The following ENOX1 variants were observed in gnomAD, a reference collection of about 807,000 sequenced individuals.
ENOX1 encodes the protein ecto-NOX disulfide-thiol exchanger 1, also known as candidate growth-related and time keeping constitutive hydroquinone (NADH) oxidase.
In ENOX1, 42 loss-of-function variants were observed where a neutral mutation model predicts 82.5. That is an observed-to-expected ratio of 0.51 (90% CI 0.40 to 0.66). ENOX1 has a LOEUF of 0.66. Among genes scored for constraint, ENOX1 ranks in the 30% least tolerant of loss-of-function variants. The pLI is 0.00. For missense variants in ENOX1, 608 were observed against 811.6 expected (o/e 0.75, Z 3.05); for synonymous variants, 271 against 282.2 (o/e 0.96, Z 0.40).
chr13:43,607,804 T>G (rs1055194877), intron 2 of ENOX1, among the ~76,000 whole-genome samples: 2 of 152,168 alleles, frequency 1.3e-5, no homozygotes, highest in African/African-American at 4.8e-5. Context: ...GAAGGTAAGT[T>G]TGGAATCTTC....
At chr13:43,352,658 A>G (rs1279198866) in intron 8 of ENOX1, among the ~76,000 whole-genome samples, 1 of 152,202 alleles carries the variant, frequency 6.6e-6, no homozygotes, top group Non-Finnish European at 1.5e-5. Context: ...TGTCTGTTTA[A>G]CCAGCAGGAT....
At chr13:43,742,594 A>C (rs1949801968) in intron 1 of ENOX1, among the ~76,000 whole-genome samples, 1 of 152,106 alleles carries the variant, frequency 6.6e-6, no homozygotes. Flanking sequence ...TTTCAGAAAC[A>C]CTCTCACAAA....
At chr13:43,500,525 G>C (rs2076943674) in intron 2 of ENOX1, among the ~76,000 whole-genome samples, 2 of 151,960 alleles carry the variant, frequency 1.3e-5, no homozygotes, top group Admixed American at 1.3e-4. Flanking sequence ...GATGTTCCAA[G>C]ACAAATGAAA....
At chr13:43,486,023 A>G (rs1300230804) in intron 2 of ENOX1, among the ~76,000 whole-genome samples, 1 of 152,182 alleles carries the variant, frequency 6.6e-6, no homozygotes, top group Non-Finnish European at 1.5e-5. Context: ...ATCCTGGCTA[A>G]CACTGTGAAA....
chr13:43,459,373 GT>G (rs1467638843), intron 3 of ENOX1: 2 of 152,180 alleles, frequency 1.3e-5, no homozygotes, highest in Non-Finnish European at 2.9e-5. Context: ...ACAGAGATAA[GT>G]TAATCCTTAG....
At chr13:43,310,917 C>T (rs1353897219) in intron 11 of ENOX1, among the ~76,000 whole-genome samples, 1 of 151,790 alleles carries the variant, frequency 6.6e-6, no homozygotes, top group African/African-American at 2.4e-5. Flanking sequence ...TACTCATCTT[C>T]CTCTTAGCCC....
intron 14 of ENOX1, among the ~76,000 whole-genome samples, chr13:43,261,851 AG>A (rs1231246088): frequency 1.2e-5 from 1 of 83,580 alleles, no homozygotes; most frequent in African/African-American, 4.8e-5. Context: ...GGGTGGGGGG[AG>A]GGGGGAGGGA....
intron 2 of ENOX1, among the ~76,000 whole-genome samples, chr13:43,566,244 G>T (rs1593850893): frequency 6.6e-6 from 1 of 151,940 alleles, no homozygotes; most frequent in African/African-American, 2.4e-5. Context: ...TTTGACACAA[G>T]ATTTTTTTTA....
chr13:43,635,389 T>C (rs2083375253), intron 2 of ENOX1, among the ~76,000 whole-genome samples: 1 of 152,190 alleles, frequency 6.6e-6, no homozygotes, highest in Non-Finnish European at 1.5e-5. Context: ...TTTCAACAAA[T>C]GTCCGTTACA....
intron 3 of ENOX1, among the ~76,000 whole-genome samples, chr13:43,466,072 C>T (rs374234597): frequency 1.3e-5 from 2 of 152,042 alleles, no homozygotes; most frequent in Non-Finnish European, 2.9e-5. Flanking sequence ...GGTCCAGTTC[C>T]AGTTAAAGGA....
At chr13:43,323,445 A>G (rs182374040) in intron 10 of ENOX1, among the ~76,000 whole-genome samples, 2 of 152,382 alleles carry the variant, frequency 1.3e-5, no homozygotes, top group Admixed American at 1.3e-4. Context: ...ATGTAGTAGC[A>G]TATGTGAAAA....
At chr13:43,435,702 G>A (rs1467168423) in intron 3 of ENOX1, among the ~76,000 whole-genome samples, 2 of 152,082 alleles carry the variant, frequency 1.3e-5, no homozygotes, top group African/African-American at 4.8e-5. Context: ...AAATATAATG[G>A]TTCAGAAACA....
At chr13:43,341,323 A>ATGGC (rs2049045773) in intron 9 of ENOX1, among the ~76,000 whole-genome samples, 1 of 151,636 alleles carries the variant, frequency 6.6e-6, no homozygotes, top group Non-Finnish European at 1.5e-5. Flanking sequence ...AGATGCAGTG[A>ATGGC]TGGCAAATCT....
At chr13:43,543,204 T>C (rs975215679) in intron 2 of ENOX1, among the ~76,000 whole-genome samples, 1 of 152,050 alleles carries the variant, frequency 6.6e-6, no homozygotes, top group Non-Finnish European at 1.5e-5. Flanking sequence ...ATAGTGATGC[T>C]TCTCCTGGGG....
intron 5 of ENOX1, among the ~76,000 whole-genome samples, chr13:43,404,295 C>A (rs1203016903): frequency 6.6e-6 from 1 of 152,164 alleles, no homozygotes. Context: ...AGTTAAGCAC[C>A]AACCTGCCAA....
At chr13:43,239,765 T>C (rs1459948064) in intron 14 of ENOX1, among the ~76,000 whole-genome samples, 1 of 152,244 alleles carries the variant, frequency 6.6e-6, no homozygotes, top group Non-Finnish European at 1.5e-5. Context: ...TAGCTGTGTT[T>C]CAAGGGATAG....
chr13:43,577,039 A>G (rs1566561384), intron 2 of ENOX1, among the ~76,000 whole-genome samples: 1 of 152,238 alleles, frequency 6.6e-6, no homozygotes, highest in Non-Finnish European at 1.5e-5. Context: ...TACAAGTATA[A>G]TAAGAAGTGG....
chr13:43,364,405 T>C (rs4942221), intron 5 of ENOX1, among the ~76,000 whole-genome samples: 127,580 of 152,112 alleles, frequency 0.84, 53,598 homozygotes, highest in South Asian at 0.94. Flanking sequence ...TGTACTGAAA[T>C]GACAGGAAGG....
chr13:43,777,537 ATTAT>A (rs1566915180), intron 1 of ENOX1, among the ~76,000 whole-genome samples: 1 of 142,232 alleles, frequency 7.0e-6, no homozygotes, highest in African/African-American at 2.5e-5. Flanking sequence ...ATCTCTCTGT[ATTAT>A]TTCTTTTTTT....
Sources: gnomAD v4.1 joint callset for allele counts (sites outside exome capture counted in the v4.1 genomes callset) on GRCh38, gnomAD v4.1.1 for gene constraint, MANE v1.5 for transcripts, NCBI Gene and HGNC (gene_info 2026-07-23, HGNC 2026-07-21) for gene names.